The following SH2D4B variants were observed in gnomAD, a reference collection of about 807,000 sequenced individuals.
The protein encoded by SH2D4B is SH2 domain-containing protein 4B.
Under a neutral mutation model 61.5 loss-of-function variants are expected in SH2D4B, and 45 were observed. The ratio of observed to expected loss-of-function variants is 0.73; its 90% CI spans 0.58 to 0.94. The LOEUF is 0.94. Among genes scored for constraint, SH2D4B ranks in the 40% least tolerant of loss-of-function variants. SH2D4B has a pLI of 0.00. For synonymous variants in SH2D4B, 224 were observed against 220.4 expected, an observed-to-expected ratio of 1.02 and a Z score of -0.14; for missense variants, 572 against 574.2, an observed-to-expected ratio of 1.00 and a Z score of 0.04.
intron 5 of SH2D4B, 137 bp downstream of exon 5, chr10:80,603,932 C>G (rs2132140087): frequency 1.4e-6 from 1 of 728,954 alleles, no homozygotes; most frequent in East Asian, 2.7e-5. Flanking sequence ...GGACTTCAGC[C>G]CTAGTCTAGG....
chr10:80,578,213 C>A (rs199895091), intron 3 of SH2D4B, among the ~76,000 whole-genome samples: 1 of 152,098 alleles, frequency 6.6e-6, no homozygotes, highest in Admixed American at 6.5e-5. Flanking sequence ...TCAAGCAATC[C>A]GCCCATGTCA....
rs947077956 is a variant in SH2D4B, at chr10:80,621,479, G to T, written c.988+11928G>T. On this transcript the variant is annotated intron_variant, in intron 6 of 7. Transcript: ENST00000646907. ...AAATAACTTAAAATTTCCCATTAAAGATAATCCTATCTCTGGTGTAAGAGT... is the reference window on the plus strand; with the variant it reads ...AAATAACTTAAAATTTCCCATTAAATATAATCCTATCTCTGGTGTAAGAGT... Among the ~76,000 whole-genome samples the T allele has an allele frequency of 2.0e-5, 3 of 152,188 alleles. No individual in the cohort carries two copies. In the South Asian group the frequency reaches 6.2e-4, roughly 31 times the overall value.
intron 4 of SH2D4B, among the ~76,000 whole-genome samples, chr10:80,593,368 C>T (rs569815998): frequency 1.3e-5 from 2 of 152,182 alleles, no homozygotes; most frequent in Non-Finnish European, 2.9e-5. Flanking sequence ...CTTTAAAAAT[C>T]TCTTTCAATA....
intron 1 of SH2D4B, among the ~76,000 whole-genome samples, chr10:80,540,531 G>A (rs1841564156): frequency 6.6e-6 from 1 of 152,196 alleles, no homozygotes; most frequent in South Asian, 2.1e-4. Context: ...GAGGCTCAGA[G>A]AAGTGATGCG....
At chr10:80,557,833 T>G (rs1015171240) in intron 1 of SH2D4B, among the ~76,000 whole-genome samples, 1 of 152,120 alleles carries the variant, frequency 6.6e-6, no homozygotes, top group Non-Finnish European at 1.5e-5. Flanking sequence ...GTTTTCCATT[T>G]TATCAGTTTC....
chr10:80,616,890 C>G (rs72805757), intron 6 of SH2D4B, among the ~76,000 whole-genome samples: 2,917 of 152,356 alleles, frequency 0.019, 37 homozygotes, highest in Middle Eastern at 0.058. Context: ...ATAGTGCTTA[C>G]AGTATGCTGG....
chr10:80,596,163 G>A (rs1004916897), intron 4 of SH2D4B, among the ~76,000 whole-genome samples: 23 of 152,238 alleles, frequency 1.5e-4, no homozygotes, highest in Non-Finnish European at 2.6e-4. Context: ...AAGCTCCTAG[G>A]CGATGCCTCA....
chr10:80,621,288 A>C (rs551096470), intron 6 of SH2D4B, among the ~76,000 whole-genome samples: 2 of 152,234 alleles, frequency 1.3e-5, no homozygotes, highest in Non-Finnish European at 2.9e-5. Flanking sequence ...CGGACAGGCA[A>C]AATGTCAGCA....
intron 3 of SH2D4B, among the ~76,000 whole-genome samples, chr10:80,577,426 TTC>T (rs1423444356): frequency 6.9e-6 from 1 of 145,072 alleles, no homozygotes. Flanking sequence ...CCACTGAATT[TTC>T]TGTTTTTTTT....
intron 4 of SH2D4B, among the ~76,000 whole-genome samples, chr10:80,595,515 C>T (rs948375846): frequency 2.4e-4 from 37 of 152,296 alleles, no homozygotes; most frequent in African/African-American, 8.7e-4. Flanking sequence ...CTGTGAAACC[C>T]TTTGGGCTGT....
chr10:80,581,426 C>T (rs72805723), intron 3 of SH2D4B, among the ~76,000 whole-genome samples: 16,350 of 152,100 alleles, frequency 0.11, 1,141 homozygotes, highest in East Asian at 0.31. Context: ...TCCTAATCCC[C>T]GGGACCTCAG....
At chr10:80,592,723 T>TG (rs1428208360) in intron 4 of SH2D4B, among the ~76,000 whole-genome samples, 1 of 150,996 alleles carries the variant, frequency 6.6e-6, no homozygotes, top group African/African-American at 2.4e-5. Flanking sequence ...CTCTTTTTTT[T>TG]TTTTTTTTGA....
chr10:80,615,610 G>A (rs1842651496), intron 6 of SH2D4B, among the ~76,000 whole-genome samples: 2 of 152,184 alleles, frequency 1.3e-5, no homozygotes, highest in Admixed American at 6.5e-5. Context: ...GCCCTGTTTG[G>A]TCTTTGGGAT....
chr10:80,630,975 C>T (rs1842826229), intron 6 of SH2D4B, among the ~76,000 whole-genome samples: 1 of 152,152 alleles, frequency 6.6e-6, no homozygotes, highest in Non-Finnish European at 1.5e-5. Flanking sequence ...ATAACATCGT[C>T]ACTTTGGTAT....
intron 4 of SH2D4B, among the ~76,000 whole-genome samples, chr10:80,590,939 C>G (rs1459161829): frequency 6.6e-6 from 1 of 151,316 alleles, no homozygotes; most frequent in East Asian, 2.0e-4. Context: ...GATGGACATG[C>G]TACAACATGA....
At chr10:80,612,498 C>G (rs1842614824) in intron 6 of SH2D4B, among the ~76,000 whole-genome samples, 1 of 152,168 alleles carries the variant, frequency 6.6e-6, no homozygotes. Flanking sequence ...GGTGACAGGA[C>G]AGACATCAGA....
At chr10:80,593,461 A>G (rs6586099) in intron 4 of SH2D4B, among the ~76,000 whole-genome samples, 59,566 of 152,092 alleles carry the variant, frequency 0.39, 12,318 homozygotes, top group East Asian at 0.62. Flanking sequence ...TGATGCTATT[A>G]TAAATAGAAT....
intron 1 of SH2D4B, among the ~76,000 whole-genome samples, chr10:80,559,519 A>G (rs1160645637): frequency 6.6e-6 from 1 of 151,948 alleles, no homozygotes; most frequent in African/African-American, 2.4e-5. Flanking sequence ...TATCATGCTT[A>G]TATCTGTTTC....
rs759607554 is a variant in SH2D4B, at chr10:80,644,132, C to G, written c.*47C>G. ...TTCATTTTGGTATCCTGTTTTTGAA[C>G]TCAGCTTAAGAACTTCTCATCTCAA... On this transcript the variant is annotated 3_prime_UTR_variant, in exon 8 of 8. Coordinates refer to ENST00000646907, the MANE Select transcript of SH2D4B (RefSeq NM_001388272.1). 8 of 1,494,702 alleles carry G rather than the reference C, an allele frequency of 5.4e-6. No individual in the cohort carries two copies. In the South Asian group the frequency reaches 9.2e-5, roughly 17 times the overall value. 92.6% of individuals were successfully genotyped at this position (1,494,702 alleles called of 1,614,324 possible).
Sources: allele counts gnomAD v4.1 joint callset (sites outside exome capture counted in the v4.1 genomes callset), GRCh38; gene constraint gnomAD v4.1.1; transcripts MANE v1.5; gene names NCBI Gene and HGNC (gene_info 2026-07-23, HGNC 2026-07-21).